GPC6: variants seen among roughly 807,000 people sequenced by gnomAD.
The protein encoded by GPC6 is glypican 6.
Under a neutral mutation model 55.2 loss-of-function variants are expected in GPC6, and 14 were observed. The observed-to-expected ratio is 0.25, with a 90% CI of 0.17 to 0.40. The LOEUF (loss-of-function observed/expected upper bound fraction) is 0.40. Ranked by LOEUF, GPC6 falls within the 10% of genes least tolerant of loss-of-function variation. The pLI is 1.00. For missense variants in GPC6, 641 were observed against 708.5 expected, an observed-to-expected ratio of 0.90 and a Z score of 1.08; for synonymous variants, 278 against 259.6, an observed-to-expected ratio of 1.07 and a Z score of -0.68.
chr13:93,524,070 A>G (rs1271922141), intron 1 of GPC6, among the ~76,000 whole-genome samples: 2 of 152,020 alleles, frequency 1.3e-5, no homozygotes, highest in Non-Finnish European at 2.9e-5. Flanking sequence ...AACAAATTGC[A>G]TGTAAATTTG....
At chr13:93,886,305 A>G (rs1161374610) in intron 3 of GPC6, among the ~76,000 whole-genome samples, 1 of 152,054 alleles carries the variant, frequency 6.6e-6, no homozygotes, top group African/African-American at 2.4e-5. Context: ...CCAAGCTAGG[A>G]TACTAGGAAC....
intron 5 of GPC6, among the ~76,000 whole-genome samples, chr13:94,301,274 G>A (rs745965693): frequency 5.9e-5 from 9 of 152,166 alleles, no homozygotes; most frequent in South Asian, 2.1e-4. Flanking sequence ...GCATGCACCT[G>A]TGGTCCCAGC....
chr13:93,862,931 A>G (rs988163335), intron 3 of GPC6, among the ~76,000 whole-genome samples: 1 of 151,516 alleles, frequency 6.6e-6, no homozygotes, highest in Non-Finnish European at 1.5e-5. Flanking sequence ...TGGCTTTTTC[A>G]ACTCTGTATT....
intron 4 of GPC6, among the ~76,000 whole-genome samples, chr13:94,117,619 C>T (rs1393018793): frequency 6.6e-6 from 1 of 152,098 alleles, no homozygotes; most frequent in African/African-American, 2.4e-5. Flanking sequence ...TTACCAAACA[C>T]TTGCTCTATG....
chr13:93,343,327 G>A (rs1229255936), intron 1 of GPC6, among the ~76,000 whole-genome samples: 1 of 152,136 alleles, frequency 6.6e-6, no homozygotes, highest in Non-Finnish European at 1.5e-5. Flanking sequence ...CGTTCCTTGT[G>A]CTTGCAGAGA....
intron 4 of GPC6, among the ~76,000 whole-genome samples, chr13:94,156,031 A>G (rs997477167): frequency 6.6e-6 from 1 of 152,202 alleles, no homozygotes; most frequent in Non-Finnish European, 1.5e-5. Flanking sequence ...TGGGCTTCAG[A>G]GGCAGTGACA....
At position 93,880,403 on chromosome 13, in the gene GPC6, A is replaced by G. The variant is rs557866848; in HGVS notation, c.711+49858A>G. 2.1e-3 allele frequency among the ~76,000 whole-genome samples: 324 copies of G among 152,262 alleles called. 2 individuals are homozygous for G. Among genetic ancestry groups the G allele is most frequent in the African/African-American group, 7.2e-3 (299 of 41,548 alleles). ...TGCAGCCATAAAAAATGATGAGTTC[A>G]TGTCCTTTGTGGGGACATGGATGAA... On this transcript the variant is annotated intron_variant, in intron 3 of 8. Coordinates refer to ENST00000377047, the MANE Select transcript of GPC6 (RefSeq NM_005708.5).
chr13:93,653,511 A>G (rs1880513392), intron 2 of GPC6, among the ~76,000 whole-genome samples: 1 of 151,848 alleles, frequency 6.6e-6, no homozygotes, highest in Admixed American at 6.6e-5. Context: ...GCATTGTGTC[A>G]AACACTTTAT....
At chr13:93,510,837 A>T (rs2166240) in intron 1 of GPC6, among the ~76,000 whole-genome samples, 122,889 of 147,620 alleles carry the variant, frequency 0.83, 52,255 homozygotes, top group Non-Finnish European at 0.92. Flanking sequence ...AGCTATTCTG[A>T]CCGGGGTAAG....
At chr13:94,099,806 CT>C (rs1322117419) in intron 4 of GPC6, among the ~76,000 whole-genome samples, 3 of 151,914 alleles carry the variant, frequency 2.0e-5, no homozygotes, top group Non-Finnish European at 4.4e-5. Context: ...ATATTTGTGT[CT>C]TGTATATTAT....
chr13:93,309,597 T>C (rs1183113636), intron 1 of GPC6, among the ~76,000 whole-genome samples: 2 of 152,170 alleles, frequency 1.3e-5, no homozygotes, highest in Non-Finnish European at 2.9e-5. Flanking sequence ...ATATACACTT[T>C]AGTATAAACA....
intron 3 of GPC6, among the ~76,000 whole-genome samples, chr13:93,973,388 G>C (rs146346078): frequency 1.3e-5 from 2 of 152,122 alleles, no homozygotes; most frequent in Admixed American, 6.5e-5. Context: ...GCACATGAAC[G>C]TATTTCCATT....
chr13:93,838,315 A>T (rs1887817528), intron 3 of GPC6, among the ~76,000 whole-genome samples: 1 of 152,176 alleles, frequency 6.6e-6, no homozygotes, highest in African/African-American at 2.4e-5. Context: ...GTTTCCCTTT[A>T]CCTTGGGAAA....
chr13:94,358,188 G>T (rs557289794), intron 6 of GPC6, among the ~76,000 whole-genome samples: 1 of 151,898 alleles, frequency 6.6e-6, no homozygotes, highest in South Asian at 2.1e-4. Context: ...TACTCAGGAG[G>T]CTGAGACAGG....
At chr13:94,024,020 T>C (rs1266157645) in intron 3 of GPC6, among the ~76,000 whole-genome samples, 1 of 151,890 alleles carries the variant, frequency 6.6e-6, no homozygotes, top group Non-Finnish European at 1.5e-5. Context: ...TTTATGGTGA[T>C]AGAACAGTTC....
chr13:93,216,871 TA>T, the GPC6 span, among the ~76,000 whole-genome samples: 3 of 152,092 alleles, frequency 2.0e-5, no homozygotes, highest in African/African-American at 7.2e-5. Flanking sequence ...TACAGGAAAA[TA>T]AAGGAGGTTC....
At chr13:93,959,689 C>T (rs1879679785) in intron 3 of GPC6, among the ~76,000 whole-genome samples, 1 of 152,150 alleles carries the variant, frequency 6.6e-6, no homozygotes, top group African/African-American at 2.4e-5. Flanking sequence ...TGGCCTGTCA[C>T]TACCCTGATG....
intron 3 of GPC6, among the ~76,000 whole-genome samples, chr13:93,876,442 A>G (rs1889299041): frequency 6.6e-6 from 1 of 152,064 alleles, no homozygotes; most frequent in African/African-American, 2.4e-5. Context: ...TCTTTGTGAT[A>G]AGCACACACG....
intron 2 of GPC6, among the ~76,000 whole-genome samples, chr13:93,676,106 TAAAA>T (rs760322815): frequency 4.2e-3 from 98 of 23,100 alleles, no homozygotes; most frequent in African/African-American, 8.5e-3. Flanking sequence ...CTGTTTCTAC[TAAAA>T]AAAAAAAAAA....
Sources: allele counts gnomAD v4.1 joint callset (sites outside exome capture counted in the v4.1 genomes callset), GRCh38; gene constraint gnomAD v4.1.1; transcripts MANE v1.5; gene names NCBI Gene and HGNC (gene_info 2026-07-23, HGNC 2026-07-21).